ITGA6: variants seen among roughly 807,000 people sequenced by gnomAD.
The protein encoded by ITGA6 is integrin subunit alpha 6, also known as integrin alpha-6.
ITGA6 carries 63 observed loss-of-function variants against 133.6 expected under a neutral mutation model. The observed-to-expected ratio is 0.47, with a 90% confidence interval of 0.38 to 0.58. The LOEUF is 0.58. ITGA6 is among the 20% of genes least tolerant of loss of function. The probability of loss-of-function intolerance (pLI) is 0.00; values close to 1 mark genes in which losing one functional copy is unlikely to be tolerated. For missense variants in ITGA6, 1,068 were observed against 1,309.4 expected (o/e 0.82, Z 2.85); for synonymous variants, 434 against 482.0 (o/e 0.90, Z 1.30).
intron 23 of ITGA6, among the ~76,000 whole-genome samples, chr2:172,496,568 C>T (rs1020014504): frequency 1.2e-4 from 18 of 152,138 alleles, no homozygotes; most frequent in Non-Finnish European, 1.3e-4. Context: ...GTAGACATAG[C>T]AGCATCCAGG....
chr2:172,484,633 A>G, intron 11 of ITGA6, 149 bp from the exon 12 acceptor site: 1 of 705,762 alleles, frequency 1.4e-6, no homozygotes. Flanking sequence ...AACCATCACA[A>G]TTGTGCAAAT....
rs779715419 is a variant in ITGA6, at chr2:172,427,764, C to G, written c.-25C>G. 6.4e-7 allele frequency: 1 copy of G among 1,561,798 alleles called. No individual in the cohort carries two copies. The highest frequency in any genetic ancestry group is 2.5e-5 in the East Asian group (1 of 40,324). On this transcript the variant is annotated 5_prime_UTR_variant, in exon 1 of 26. Transcript: ENST00000684293. Reference sequence around the variant, plus strand: ...GCGCAGGGCGGCCGCTGCAGGTCCCCGCTCCCCTCCCCGTGCGTCCGCCCA... The same window carrying G: ...GCGCAGGGCGGCCGCTGCAGGTCCCGGCTCCCCTCCCCGTGCGTCCGCCCA...
chr2:172,489,689 T>G, intron 20 of ITGA6, 31 bp downstream of exon 20: 270 of 1,579,078 alleles, frequency 1.7e-4, no homozygotes, highest in Non-Finnish European at 2.1e-4. Flanking sequence ...AATGTCTCCA[T>G]AAATGCAAAT....
chr2:172,486,531 A>G (rs1460918755), intron 13 of ITGA6, among the ~76,000 whole-genome samples: 1 of 152,190 alleles, frequency 6.6e-6, no homozygotes, highest in Admixed American at 6.5e-5. Context: ...CGTCATCTCT[A>G]CAATGGAGAT....
intron 1 of ITGA6, among the ~76,000 whole-genome samples, chr2:172,433,655 A>C (rs887970474): frequency 6.6e-6 from 1 of 152,192 alleles, no homozygotes. Flanking sequence ...TTCAATCTGC[A>C]TCTTCCCTGC....
At position 172,487,825 on chromosome 2, in the gene ITGA6, C is replaced by T. The variant is rs1686756849; in HGVS notation, c.2324+18C>T. 39 of 1,562,932 alleles carry T rather than the reference C, an allele frequency of 2.5e-5. No homozygotes were observed. Among genetic ancestry groups the T allele is most frequent in the Non-Finnish European group, 3.4e-5 (39 of 1,133,864 alleles). Reference sequence around the variant, plus strand: ...TTAGAAACGTAAGAGTTACATCAACCTCTCCATTCAGAATTATTTCATGAA... The same window carrying T: ...TTAGAAACGTAAGAGTTACATCAACTTCTCCATTCAGAATTATTTCATGAA... On this transcript the variant is annotated intron_variant, in intron 17 of 25. Transcript: ENST00000684293.
At chr2:172,429,685 G>A (rs1196063600) in intron 1 of ITGA6, among the ~76,000 whole-genome samples, 1 of 152,178 alleles carries the variant, frequency 6.6e-6, no homozygotes, top group Non-Finnish European at 1.5e-5. Context: ...AACTCCTCCC[G>A]AGGTAAGGAT....
chr2:172,480,147 A>G (rs900611192), intron 11 of ITGA6, 96 bp downstream of exon 11: 1 of 753,464 alleles, frequency 1.3e-6, no homozygotes, highest in Admixed American at 1.9e-5. Context: ...AGTGGCCAAC[A>G]TGGGTCTGTC....
At chr2:172,479,319 C>T (rs990417344) in intron 9 of ITGA6, among the ~76,000 whole-genome samples, 3 of 152,084 alleles carry the variant, frequency 2.0e-5, no homozygotes, top group African/African-American at 4.8e-5. Context: ...TTTTAACTGA[C>T]GTGTCTGGAA....
At chr2:172,470,507 T>G (rs1305235193) in intron 4 of ITGA6, among the ~76,000 whole-genome samples, 2 of 152,206 alleles carry the variant, frequency 1.3e-5, no homozygotes, top group Admixed American at 1.3e-4. Context: ...AAACTTATGT[T>G]TTAAATTACT....
At chr2:172,502,981 A>C (rs1687407109) in intron 25 of ITGA6, among the ~76,000 whole-genome samples, 1 of 152,026 alleles carries the variant, frequency 6.6e-6, no homozygotes, top group African/African-American at 2.4e-5. Flanking sequence ...TTTTGCACAG[A>C]ATAATAAATG....
chr2:172,475,179 A>ATC, intron 7 of ITGA6, 57 bp downstream of exon 7: 1 of 1,196,324 alleles, frequency 8.4e-7, no homozygotes, highest in Non-Finnish European at 1.2e-6. Flanking sequence ...TGTTTAAATA[A>ATC]TAGCGCTGCT....
chr2:172,495,070 G>A (rs1320519700), intron 23 of ITGA6, among the ~76,000 whole-genome samples: 11 of 152,092 alleles, frequency 7.2e-5, no homozygotes, highest in Non-Finnish European at 1.6e-4. Flanking sequence ...TAAAAGATAC[G>A]AAAATCCCTT....
intron 1 of ITGA6, among the ~76,000 whole-genome samples, chr2:172,450,870 AATATATTT>A (rs1164200652): frequency 6.1e-5 from 9 of 147,088 alleles, no homozygotes; most frequent in Non-Finnish European, 1.0e-4. Flanking sequence ...ATAATATACA[AATATATTT>A]ATATATTTAT....
chr2:172,442,358 C>G (rs1209360148), intron 1 of ITGA6, among the ~76,000 whole-genome samples: 1 of 152,200 alleles, frequency 6.6e-6, no homozygotes, highest in Admixed American at 6.5e-5. Flanking sequence ...TTATAAACAG[C>G]ACTTTACAGT....
At chr2:172,474,000 T>C in intron 5 of ITGA6, 55 bp from the exon 6 acceptor site, 1 of 1,277,680 alleles carries the variant, frequency 7.8e-7, no homozygotes. Context: ...ACCAATGTCA[T>C]AGGCCTAAAA....
At chr2:172,492,759 TG>T (rs1686975501) in intron 23 of ITGA6, among the ~76,000 whole-genome samples, 1 of 152,224 alleles carries the variant, frequency 6.6e-6, no homozygotes, top group African/African-American at 2.4e-5. Flanking sequence ...TGTGAATTAC[TG>T]TTCTTAAGTT....
At chr2:172,498,630 T>A (rs1304281029) in intron 24 of ITGA6, among the ~76,000 whole-genome samples, 1 of 152,202 alleles carries the variant, frequency 6.6e-6, no homozygotes, top group East Asian at 1.9e-4. Flanking sequence ...TTCAATATGA[T>A]GTTCCTCATT....
intron 1 of ITGA6, among the ~76,000 whole-genome samples, chr2:172,457,068 G>A (rs1685238281): frequency 6.6e-6 from 1 of 152,046 alleles, no homozygotes; most frequent in Non-Finnish European, 1.5e-5. Flanking sequence ...TTGAGTTGGG[G>A]AGATCACTTG....
Sources: gnomAD v4.1 joint callset for allele counts (sites outside exome capture counted in the v4.1 genomes callset) on GRCh38, gnomAD v4.1.1 for gene constraint, MANE v1.5 for transcripts, NCBI Gene and HGNC (gene_info 2026-07-23, HGNC 2026-07-21) for gene names.